TRIM2: variants seen among roughly 807,000 people sequenced by gnomAD.
TRIM2 encodes the protein tripartite motif containing 2.
In TRIM2, 20 loss-of-function variants were observed where a neutral mutation model predicts 75.2. The observed-to-expected ratio is 0.27, with a 90% confidence interval of 0.19 to 0.39. TRIM2 has a LOEUF of 0.39. TRIM2 is among the 10% of genes least tolerant of loss of function. The pLI is 1.00. For synonymous variants in TRIM2, 373 were observed against 388.3 expected, an observed-to-expected ratio of 0.96 and a Z score of 0.46; for missense variants, 660 against 990.8, an observed-to-expected ratio of 0.67 and a Z score of 4.48.
intron 1 of TRIM2, among the ~76,000 whole-genome samples, chr4:153,260,099 G>A (rs1466233382): frequency 6.6e-6 from 1 of 152,136 alleles, no homozygotes; most frequent in Non-Finnish European, 1.5e-5. Context: ...ATTATGTAGA[G>A]CTGTGTCTCT....
At chr4:153,235,566 G>A (rs1237432912) in intron 1 of TRIM2, among the ~76,000 whole-genome samples, 2 of 152,166 alleles carry the variant, frequency 1.3e-5, no homozygotes, top group Non-Finnish European at 2.9e-5. Flanking sequence ...GATTACAGGT[G>A]TGAGCCATGG....
intron 1 of TRIM2, 137 bp from the exon 2 acceptor site, chr4:153,270,198 G>C (rs1252006389): frequency 1.0e-6 from 1 of 969,504 alleles, no homozygotes. Context: ...AAAGTGCTGG[G>C]ATTACAGGCA....
At chr4:153,257,904 C>A in intron 1 of TRIM2, 1 of 270,412 alleles carries the variant, frequency 3.7e-6, no homozygotes, top group Non-Finnish European at 7.4e-6. Flanking sequence ...CAGACCCATT[C>A]TTTGCTTAAA....
intron 1 of TRIM2, among the ~76,000 whole-genome samples, chr4:153,155,166 T>A (rs1729116817): frequency 6.6e-6 from 1 of 152,186 alleles, no homozygotes; most frequent in South Asian, 2.1e-4. Context: ...AGAAAAAATG[T>A]GTCCCAAATT....
intron 1 of TRIM2, among the ~76,000 whole-genome samples, chr4:153,193,494 G>C (rs988022420): frequency 1.3e-5 from 2 of 152,178 alleles, no homozygotes; most frequent in African/African-American, 4.8e-5. Context: ...GTGAGGAAGA[G>C]CACTTGAACA....
intron 1 of TRIM2, among the ~76,000 whole-genome samples, chr4:153,246,107 C>T (rs2149890933): frequency 6.6e-6 from 1 of 152,264 alleles, no homozygotes; most frequent in East Asian, 1.9e-4. Context: ...GTTTGCTGAC[C>T]TCTTTGCTTG....
intron 6 of TRIM2, among the ~76,000 whole-genome samples, chr4:153,305,385 A>G (rs1764758282): frequency 1.3e-5 from 2 of 152,256 alleles, no homozygotes; most frequent in Non-Finnish European, 2.9e-5. Flanking sequence ...AGGTAGTACT[A>G]GTTAGCATAT....
Position 153,335,453 on chromosome 4 carries a change from T to G in TRIM2, c.*487T>G, listed in dbSNP as rs149105627. The G allele has an allele frequency of 4.3e-4, 423 of 985,498 alleles. 3 individuals are homozygous for G. In the African/African-American group the frequency reaches 7.0e-3, roughly 16 times the overall value. The allele number at this position is 985,498 out of a possible 1,614,324, so 61.0% of individuals were successfully genotyped here. ...AGTAGGTATTACTCTTGTGACATTT[T>G]TTTGGTTATCAACAACTAAATATAA... On this transcript the variant is annotated 3_prime_UTR_variant, in exon 12 of 12. Transcript: ENST00000338700.
chr4:153,204,603 A>G, intron 1 of TRIM2, 43 bp downstream of exon 1: 1 of 1,551,498 alleles, frequency 6.4e-7, no homozygotes, highest in Non-Finnish European at 8.7e-7. Context: ...TTTCTGGGCC[A>G]GCTGGTTAAT....
Position 153,337,336 on chromosome 4 carries a change from A to G in TRIM2, c.*2370A>G, listed in dbSNP as rs996071773. 5.1e-6 allele frequency: 5 copies of G among 985,786 alleles called. No homozygotes were observed. The highest frequency in any genetic ancestry group is 6.0e-6 in the Non-Finnish European group (5 of 829,930). The allele number at this position is 985,786 out of a possible 1,614,324, so 61.1% of individuals were successfully genotyped here. A position where few individuals can be genotyped will look rare whatever the true frequency, so the allele number is the denominator to read the frequency against. On this transcript the variant is annotated 3_prime_UTR_variant, in exon 12 of 12. Coordinates refer to ENST00000338700, the MANE Select transcript of TRIM2 (RefSeq NM_015271.5). The stretch of plus-strand genomic sequence containing the variant: ...AAATTAACTTACAATCTAACCAGCC[A>G]TCATATCATATCCTATCAGGCTAGA...
At chr4:153,285,751 A>ATGTGTGCGTG (rs1235445784) in intron 3 of TRIM2, among the ~76,000 whole-genome samples, 51 of 142,378 alleles carry the variant, frequency 3.6e-4, no homozygotes, top group African/African-American at 1.4e-3. Flanking sequence ...AATTGTGTGA[A>ATGTGTGCGTG]TGTGTGTGCG....
At chr4:153,155,499 G>C (rs1352822849) in intron 1 of TRIM2, among the ~76,000 whole-genome samples, 1 of 152,162 alleles carries the variant, frequency 6.6e-6, no homozygotes, top group Non-Finnish European at 1.5e-5. Flanking sequence ...CTGTTTTAGG[G>C]AGAGAAGGTG....
At chr4:153,330,942 T>C (rs1233622978) in intron 11 of TRIM2, among the ~76,000 whole-genome samples, 2 of 152,236 alleles carry the variant, frequency 1.3e-5, no homozygotes, top group Non-Finnish European at 2.9e-5. Context: ...ACATGATGTT[T>C]ACATAGAAAA....
At chr4:153,326,993 AAAAAAG>A (rs1380649785) in intron 10 of TRIM2, among the ~76,000 whole-genome samples, 2 of 151,810 alleles carry the variant, frequency 1.3e-5, no homozygotes, top group Non-Finnish European at 2.9e-5. Context: ...AAAAAAAAAA[AAAAAAG>A]AAAGAAAGAT....
chr4:153,206,397 G>A lies in TRIM2; in HGVS notation c.30+1837G>A, dbSNP rs978780807. 3.9e-5 allele frequency among the ~76,000 whole-genome samples: 6 copies of A among 152,160 alleles called. No individual in the cohort carries two copies. The East Asian group carries it at 7.7e-4, about 20-fold the overall frequency. On this transcript the variant is annotated intron_variant, in intron 1 of 11. Transcript: ENST00000338700. The stretch of plus-strand genomic sequence containing the variant: ...TCACTGTTTTGTTAGCATAGCTCAC[G>A]GAACTCAGGGAGACACTTAATTCCA...
In TRIM2 at chr4:153,250,713, C is replaced by T. The variant is rs965933670; in HGVS notation, c.31-19622C>T. On this transcript the variant is annotated intron_variant, in intron 1 of 11. Coordinates refer to ENST00000338700, the MANE Select transcript of TRIM2 (RefSeq NM_015271.5). ...TGCTCTGCTCTGTGCTGGGCAGATC[C>T]CACCTGGATATGTCTTCAGTTTGGG... Among the ~76,000 whole-genome samples, 4 of 152,142 alleles carry T rather than the reference C, an allele frequency of 2.6e-5. No individual in the cohort carries two copies. In the East Asian group the frequency reaches 7.7e-4, roughly 29 times the overall value.
Position 153,338,036 on chromosome 4 carries a change from GA to G in TRIM2, c.*3072del. ...TATTTTGATCAAACTTTAGTCTCCA[GA>G]ACTAAACAAGTCCCTAAGTTTCCTT... is the stretch of plus-strand genomic sequence containing the variant. On this transcript the variant is annotated 3_prime_UTR_variant, in exon 12 of 12. Transcript: ENST00000338700. The G allele has an allele frequency of 1.0e-6, 1 of 985,670 alleles. No individual in the cohort carries two copies. The allele number at this position is 985,670 out of a possible 1,614,324, so 61.1% of individuals were successfully genotyped here. A position where few individuals can be genotyped will look rare whatever the true frequency, so the allele number is the denominator to read the frequency against.
intron 3 of TRIM2, 84 bp downstream of exon 3, chr4:153,276,214 A>T: frequency 8.9e-7 from 1 of 1,123,268 alleles, no homozygotes; most frequent in Non-Finnish European, 1.3e-6. Context: ...GAGATTACAG[A>T]TTGAAACAGA....
chr4:153,324,194 G>T, intron 10 of TRIM2, 46 bp downstream of exon 10: 1 of 1,538,884 alleles, frequency 6.5e-7, no homozygotes, highest in South Asian at 1.2e-5. Context: ...CTGCTTTTAT[G>T]GAGAAATTGG....
Sources: allele counts gnomAD v4.1 joint callset (sites outside exome capture counted in the v4.1 genomes callset), GRCh38; gene constraint gnomAD v4.1.1; transcripts MANE v1.5; gene names NCBI Gene and HGNC (gene_info 2026-07-23, HGNC 2026-07-21).